Variants in CADPS observed in about 807,000 individuals in gnomAD.
The protein encoded by CADPS is calcium dependent secretion activator.
Under a neutral mutation model 167.3 loss-of-function variants are expected in CADPS, and 57 were observed. The ratio of observed to expected loss-of-function variants is 0.34; its 90% confidence interval spans 0.28 to 0.42. The LOEUF is 0.42. Ranked by LOEUF, CADPS falls within the 20% of genes least tolerant of loss-of-function variation. The pLI, the probability that CADPS is intolerant of heterozygous loss-of-function variation, is 1.00. For synonymous variants in CADPS, 676 were observed against 635.3 expected (o/e 1.06, Z -0.96); for missense variants, 1,414 against 1,738.1 (o/e 0.81, Z 3.32).
intron 3 of CADPS, among the ~76,000 whole-genome samples, chr3:62,689,243 C>T (rs2078646220): frequency 6.6e-6 from 1 of 151,926 alleles, no homozygotes; most frequent in South Asian, 2.1e-4. Flanking sequence ...AAAAAAAATG[C>T]ATTCCTCCAT....
intron 1 of CADPS, among the ~76,000 whole-genome samples, chr3:62,867,002 A>C (rs1348559013): frequency 6.6e-6 from 1 of 152,026 alleles, no homozygotes; most frequent in Non-Finnish European, 1.5e-5. Context: ...TTACCTACTT[A>C]TGCGAGTCTT....
At chr3:62,501,083 T>G (rs1158218129) in intron 17 of CADPS, among the ~76,000 whole-genome samples, 1 of 152,252 alleles carries the variant, frequency 6.6e-6, no homozygotes, top group South Asian at 2.1e-4. Flanking sequence ...CAAACCCAGA[T>G]GGAAATGTGG....
chr3:62,648,153 G>T (rs981786834), intron 5 of CADPS, among the ~76,000 whole-genome samples: 12 of 152,066 alleles, frequency 7.9e-5, no homozygotes, highest in African/African-American at 2.4e-4. Context: ...CCCTCATTGT[G>T]CCCACCAAAA....
chr3:62,606,271 T>C (rs756235762), intron 6 of CADPS, among the ~76,000 whole-genome samples: 1 of 152,174 alleles, frequency 6.6e-6, no homozygotes, highest in Non-Finnish European at 1.5e-5. Context: ...AATATGACAG[T>C]ATTGAGGAGT....
rs558377212 is a variant in CADPS, at chr3:62,465,685, G to A, written c.3553-235C>T. ...ATTGCAAATATAGAGTGTTACAGAAGTGCAAAGTGACAAAATATTATTGAG... is the reference window on the plus strand; with the variant it reads ...ATTGCAAATATAGAGTGTTACAGAAATGCAAAGTGACAAAATATTATTGAG... On this transcript the variant is annotated intron_variant, in intron 25 of 29. Transcript: ENST00000383710. The surrounding 1 kb of genome is among the most constrained non-coding windows in gnomAD (Gnocchi z 4.1). 6.6e-6 allele frequency among the ~76,000 whole-genome samples: 1 copy of A among 152,290 alleles called. No individual in the cohort carries two copies. The highest frequency in any genetic ancestry group is 2.1e-4 in the South Asian group (1 of 4,824).
chr3:62,727,177 T>G lies in CADPS; in HGVS notation c.888+26264A>C, dbSNP rs569670818. Among the ~76,000 whole-genome samples, 8 of 151,856 alleles carry G rather than the reference T, an allele frequency of 5.3e-5. No individual in the cohort carries two copies. In the East Asian group the frequency reaches 1.5e-3, roughly 29 times the overall value. On this transcript the variant is annotated intron_variant, in intron 3 of 29. Transcript: ENST00000383710. ...GAGTGCTAGCATACACCGAAGAGCA[T>G]GTATAGGAGTATTTCAGAACAACTT...
chr3:62,418,320 CTCTCTT>C (rs1395235916), intron 28 of CADPS, among the ~76,000 whole-genome samples: 2 of 139,058 alleles, frequency 1.4e-5, no homozygotes, highest in Non-Finnish European at 3.1e-5. Flanking sequence ...TTTCTTTTTT[CTCTCTT>C]TTTTTTTTTT....
rs528834183 is a variant in CADPS, at chr3:62,645,739, G to A, written c.1308C>T (p.Ala436=). Residue 436 remains alanine, a synonymous_variant, in exon 6 of 30, where the codon GCC becomes GCT. Coordinates refer to ENST00000383710, the MANE Select transcript of CADPS (RefSeq NM_003716.4). ...EGGEKLQTDQ[A]EASKPTWGTQ... is the part of the protein sequence containing the mutation. ...TAACTTACGTTGGTTTAGAAGCCTC[G>A]GCCTGATCAGTCTGTAGTTTCTCTC... is the stretch of plus-strand genomic sequence containing the variant. 2.0e-4 allele frequency: 328 copies of A among 1,613,966 alleles called. 7 individuals are homozygous for A. In the South Asian group the frequency reaches 3.5e-3, roughly 17 times the overall value.
chr3:62,751,675 C>A (rs911150381), intron 3 of CADPS, among the ~76,000 whole-genome samples: 1 of 152,162 alleles, frequency 6.6e-6, no homozygotes, highest in Non-Finnish European at 1.5e-5. Flanking sequence ...CCCGTCTTAG[C>A]CTCCCAAAGT....
chr3:62,806,566 C>CT (rs1290852634), intron 1 of CADPS, among the ~76,000 whole-genome samples: 1 of 152,016 alleles, frequency 6.6e-6, no homozygotes, highest in Non-Finnish European at 1.5e-5. Flanking sequence ...TAAAGTCTTT[C>CT]TCTCACTTAG....
At chr3:62,669,816 C>T (rs755191551) in intron 3 of CADPS, among the ~76,000 whole-genome samples, 3 of 152,152 alleles carry the variant, frequency 2.0e-5, no homozygotes, top group South Asian at 2.1e-4. Context: ...CATGCAGTCA[C>T]GTTCAGTAAA....
intron 11 of CADPS, among the ~76,000 whole-genome samples, chr3:62,540,424 T>C (rs1364731031): frequency 6.6e-6 from 1 of 152,122 alleles, no homozygotes; most frequent in African/African-American, 2.4e-5. Flanking sequence ...AGCCAGGTCC[T>C]CAGGAGGGGT....
At chr3:62,578,567 G>A (rs1197264454) in intron 8 of CADPS, among the ~76,000 whole-genome samples, 2 of 132,900 alleles carry the variant, frequency 1.5e-5, no homozygotes, top group Non-Finnish European at 3.0e-5. Context: ...CCGAGATCAT[G>A]CCACTGCACT....
rs556275227 is a variant in CADPS at position 62,469,751 on chromosome 3, G to A, written c.3478-3338C>T. 5.7e-5 allele frequency: 9 copies of A among 157,674 alleles called. 1 individual carries two copies. In the South Asian group the frequency reaches 6.0e-4, roughly 11 times the overall value. 9.8% of individuals were successfully genotyped at this position (157,674 alleles called of 1,614,324 possible). On this transcript the variant is annotated intron_variant, in intron 24 of 29. Transcript: ENST00000383710. ...TCCCGATCTCTTGACCTCGTGATCC[G>A]CCCACCTTGGCCTCCCAAAGTGCTG...
At chr3:62,844,036 C>A (rs185540924) in intron 1 of CADPS, among the ~76,000 whole-genome samples, 2 of 152,192 alleles carry the variant, frequency 1.3e-5, no homozygotes, top group Admixed American at 1.3e-4. Context: ...ATTGCATAAT[C>A]CAGAACTAAA....
At chr3:62,488,624 T>C (rs9850523) in intron 21 of CADPS, among the ~76,000 whole-genome samples, 28,633 of 151,868 alleles carry the variant, frequency 0.19, 3,122 homozygotes, top group African/African-American at 0.3. Flanking sequence ...TCCTGAGTAG[T>C]TTGGACTACA....
intron 8 of CADPS, among the ~76,000 whole-genome samples, chr3:62,579,530 G>C (rs765485219): frequency 6.6e-6 from 1 of 152,148 alleles, no homozygotes; most frequent in African/African-American, 2.4e-5. Context: ...GTAAGAGAGA[G>C]AGGGAGGACA....
At chr3:62,636,590 C>T (rs1253005712) in intron 6 of CADPS, among the ~76,000 whole-genome samples, 1 of 152,176 alleles carries the variant, frequency 6.6e-6, no homozygotes, top group Admixed American at 6.6e-5. Flanking sequence ...TCCATCTGCA[C>T]CTTTATAGTG....
At chr3:62,625,198 C>A (rs2063830577) in intron 6 of CADPS, 1 of 149,450 alleles carries the variant, frequency 6.7e-6, no homozygotes, top group Non-Finnish European at 1.5e-5. Flanking sequence ...TTTTTAAAGA[C>A]TACACACATT....
Sources: allele counts gnomAD v4.1 joint callset (sites outside exome capture counted in the v4.1 genomes callset), GRCh38; gene constraint gnomAD v4.1.1; non-coding constraint Gnocchi (gnomAD v3.1); transcripts MANE v1.5; gene names NCBI Gene and HGNC (gene_info 2026-07-23, HGNC 2026-07-21).